Variants in LRP8 observed in about 807,000 individuals in gnomAD.
The protein encoded by LRP8 is LDL receptor related protein 8.
LRP8 carries 46 observed loss-of-function variants against 111.6 expected under a neutral mutation model. The observed-to-expected ratio is 0.41, with a 90% CI of 0.33 to 0.53. The LOEUF (loss-of-function observed/expected upper bound fraction) is 0.53, where lower values mean the gene tolerates loss of function less well. LRP8 is among the 20% of genes least tolerant of loss of function. LRP8 has a pLI of 0.20. For missense variants in LRP8, 959 were observed against 1,297.4 expected, an observed-to-expected ratio of 0.74 and a Z score of 4.01; for synonymous variants, 464 against 511.2, an observed-to-expected ratio of 0.91 and a Z score of 1.24.
intron 13 of LRP8, among the ~76,000 whole-genome samples, 162 bp downstream of exon 13, chr1:53,260,302 A>T (rs1646280951): frequency 6.6e-6 from 1 of 152,228 alleles, no homozygotes; most frequent in Non-Finnish European, 1.5e-5. Flanking sequence ...AAATGAGACA[A>T]AATATATGAT....
At chr1:53,284,558 A>T (rs1647283559) in intron 3 of LRP8, among the ~76,000 whole-genome samples, 1 of 152,022 alleles carries the variant, frequency 6.6e-6, no homozygotes, top group Non-Finnish European at 1.5e-5. Context: ...TGTACGCTCC[A>T]CCTCCAGGGT....
At chr1:53,281,801 TAGA>T (rs1253523932) in intron 3 of LRP8, among the ~76,000 whole-genome samples, 2 of 152,240 alleles carry the variant, frequency 1.3e-5, no homozygotes, top group African/African-American at 2.4e-5. Context: ...AGCAAGCACC[TAGA>T]AGAACACCCA....
Position 53,280,603 on chromosome 1 carries a change from C to T in LRP8, c.480G>A (p.Glu160=). The change falls in exon 4 of 19, where the codon GAG becomes GAA. Residue 160 remains glutamate (E), a synonymous_variant. Transcript: ENST00000306052. ...GEKDCEGGAD[E]AGCATLCAPH... is the part of the protein sequence containing the mutation. ...CAGACTCACAGGTAGCACAGCCGGCCTCATCCGCTCCACCCTCGCAGTCCT... is the reference window on the plus strand; with the variant it reads ...CAGACTCACAGGTAGCACAGCCGGCTTCATCCGCTCCACCCTCGCAGTCCT... The T allele has an allele frequency of 6.2e-7, 1 of 1,612,874 alleles. No homozygotes were observed. Among genetic ancestry groups the T allele is most frequent in the Middle Eastern group, 1.6e-4 (1 of 6,062 alleles).
chr1:53,303,848 G>C lies in LRP8; in HGVS notation c.245-14159C>G, dbSNP rs1052926943. On this transcript the variant is annotated intron_variant, in intron 2 of 18. Coordinates refer to ENST00000306052, the MANE Select transcript of LRP8 (RefSeq NM_004631.5). The surrounding 1 kb of genome is among the most constrained non-coding windows in gnomAD (Gnocchi z 4.3). ...TCAGCGACAGGGGACTCAGTCAGCCGTGCTGGCTGGAGGCTGAACACGTTC... is the reference window on the plus strand; with the variant it reads ...TCAGCGACAGGGGACTCAGTCAGCCCTGCTGGCTGGAGGCTGAACACGTTC... Among the ~76,000 whole-genome samples, 1 of 152,188 alleles carries C rather than the reference G, an allele frequency of 6.6e-6. No individual in the cohort carries two copies. Among genetic ancestry groups the C allele is most frequent in the African/African-American group, 2.4e-5 (1 of 41,432 alleles).
chr1:53,324,938 A>G (rs1204694650), intron 2 of LRP8, among the ~76,000 whole-genome samples: 1 of 152,232 alleles, frequency 6.6e-6, no homozygotes, highest in African/African-American at 2.4e-5. Flanking sequence ...AAGTCACTCA[A>G]CTTCTCTGAG....
At chr1:53,274,695 C>G (rs759425265) in intron 6 of LRP8, 2 of 456,162 alleles carry the variant, frequency 4.4e-6, no homozygotes, top group Non-Finnish European at 8.8e-6. Context: ...AGACAGGCAC[C>G]GCACCACACT....
chr1:53,305,374 C>T (rs1397588168), intron 2 of LRP8: 1 of 152,248 alleles, frequency 6.6e-6, no homozygotes, highest in Non-Finnish European at 1.5e-5. Flanking sequence ...GAAGTTCCTC[C>T]TCCCTTTATC....
chr1:53,260,433 G>T, intron 13 of LRP8, 31 bp downstream of exon 13: 1 of 1,610,678 alleles, frequency 6.2e-7, no homozygotes, highest in Non-Finnish European at 8.5e-7. Flanking sequence ...ACAGTCAGGG[G>T]ACCTGGGACC....
rs1245282703 is a variant in LRP8 at position 53,262,981 on chromosome 1, A to G, written c.1656-417T>C. On this transcript the variant is annotated intron_variant, in intron 10 of 18. Coordinates refer to ENST00000306052, the MANE Select transcript of LRP8 (RefSeq NM_004631.5). The surrounding 1 kb of genome is among the most constrained non-coding windows in gnomAD (Gnocchi z 4.8). The stretch of plus-strand genomic sequence containing the variant: ...TCTCCTCAGGCCTACTAGGGCCAGT[A>G]GCAGCCCACTGTTACTAATCCAAGG... Among the ~76,000 whole-genome samples the G allele has an allele frequency of 3.3e-5, 5 of 152,218 alleles. No individual in the cohort carries two copies. In the East Asian group the frequency reaches 9.6e-4, roughly 29 times the overall value.
At chr1:53,299,842 T>G (rs1650469265) in intron 2 of LRP8, among the ~76,000 whole-genome samples, 1 of 152,272 alleles carries the variant, frequency 6.6e-6, no homozygotes, top group Non-Finnish European at 1.5e-5. Context: ...TGCCTTGCTC[T>G]CTTCTTTCAT....
chr1:53,259,883 A>T (rs1646265261), intron 13 of LRP8, among the ~76,000 whole-genome samples: 1 of 151,878 alleles, frequency 6.6e-6, no homozygotes, highest in South Asian at 2.1e-4. Flanking sequence ...AGCTCCTTAC[A>T]CTCCCTTGCT....
intron 2 of LRP8, among the ~76,000 whole-genome samples, chr1:53,315,410 C>A (rs1455164002): frequency 1.3e-5 from 2 of 152,256 alleles, no homozygotes; most frequent in Non-Finnish European, 2.9e-5. Flanking sequence ...ATGCACCATG[C>A]ACTGCTCTTA....
chr1:53,261,284 C>A (rs191570854), intron 12 of LRP8, among the ~76,000 whole-genome samples: 1 of 152,312 alleles, frequency 6.6e-6, no homozygotes, highest in East Asian at 1.9e-4. Context: ...CATGTACATG[C>A]CATGTATATA....
At chr1:53,297,351 T>C (rs909359715) in intron 2 of LRP8, among the ~76,000 whole-genome samples, 1 of 152,194 alleles carries the variant, frequency 6.6e-6, no homozygotes, top group Non-Finnish European at 1.5e-5. Context: ...GAAGTCCACA[T>C]GCGGACAGTC....
chr1:53,266,656 C>T lies in LRP8; in HGVS notation c.1253-9G>A, dbSNP rs746498062. 65 of 1,613,362 alleles carry T rather than the reference C, an allele frequency of 4.0e-5. No homozygotes were observed. Among genetic ancestry groups the T allele is most frequent in the Middle Eastern group, 1.7e-4 (1 of 5,944 alleles). ...GGATGGGCTCTTGCCAGCTGTCATG[C>T]AGGGAGGTTGAAAGAGAAAGAGTCA... On this transcript the variant is annotated splice_polypyrimidine_tract_variant and intron_variant, in intron 8 of 18. Transcript: ENST00000306052. This position sits in a 1 kb window ranked among gnomAD's most constrained non-coding sequence, Gnocchi z 5.0.
chr1:53,269,388 C>G (rs1646689044), intron 8 of LRP8, among the ~76,000 whole-genome samples: 2 of 152,020 alleles, frequency 1.3e-5, no homozygotes, highest in Non-Finnish European at 1.5e-5. Context: ...TCATAACTCA[C>G]TGTGACCTCA....
rs144827220 is a variant in LRP8 at position 53,281,210 on chromosome 1, G to A, written c.368-495C>T. 4.4e-3 allele frequency among the ~76,000 whole-genome samples: 676 copies of A among 152,304 alleles called. 2 individuals are homozygous for A. Among genetic ancestry groups the A allele is most frequent in the African/African-American group, 0.016 (648 of 41,574 alleles). ...AGGCCCCAACGGCTCCAATCGGCCCGCCTCTAAGCCCCCTCCCCGAGTGAT... is the reference window on the plus strand; with the variant it reads ...AGGCCCCAACGGCTCCAATCGGCCCACCTCTAAGCCCCCTCCCCGAGTGAT... On this transcript the variant is annotated intron_variant, in intron 3 of 18. Transcript: ENST00000306052.
intron 8 of LRP8, chr1:53,268,651 G>A (rs1646662185): frequency 6.6e-6 from 1 of 152,002 alleles, no homozygotes; most frequent in Admixed American, 6.6e-5. Context: ...ATCTCTACTT[G>A]GATACCTAAC....
chr1:53,289,527 C>G (rs369175566), intron 3 of LRP8, 40 bp downstream of exon 3: 2 of 1,563,538 alleles, frequency 1.3e-6, no homozygotes, highest in South Asian at 2.3e-5. Flanking sequence ...GAGGAGGAAA[C>G]TGAGGCCCAC....
Sources: gnomAD v4.1 joint callset for allele counts (sites outside exome capture counted in the v4.1 genomes callset) on GRCh38, gnomAD v4.1.1 for gene constraint, Gnocchi (gnomAD v3.1) non-coding constraint, MANE v1.5 for transcripts, NCBI Gene and HGNC (gene_info 2026-07-23, HGNC 2026-07-21) for gene names.